The following ZNF467 variants were observed in gnomAD, a reference collection of about 807,000 sequenced individuals.
The protein encoded by ZNF467 is zinc finger protein EZI.
ZNF467 carries 51 observed loss-of-function variants against 47.8 expected under a neutral mutation model. The observed-to-expected ratio is 1.07, with a 90% CI of 0.85 to 1.35. The LOEUF is 1.35. Among genes scored for constraint, ZNF467 ranks in the 40% most tolerant of loss-of-function variants. The pLI, the probability that ZNF467 is intolerant of heterozygous loss-of-function variation, is 0.00. For synonymous variants in ZNF467, 416 were observed against 372.9 expected (o/e 1.12, Z -1.33); for missense variants, 992 against 858.1 (o/e 1.16, Z -1.95).
chr7:149,769,958 T>A lies in ZNF467; in HGVS notation c.151+482A>T. The stretch of plus-strand genomic sequence containing the variant: ...TCCCAAAGGGCTGAGAATACAGGCA[T>A]AAGCCACCATGCCCGGCTTCCCCAA... On this transcript the variant is annotated intron_variant, in intron 3 of 4. Transcript: ENST00000302017. The surrounding 1 kb of genome is among the most constrained non-coding windows in gnomAD (Gnocchi z 5.3). Among the ~76,000 whole-genome samples, 1 of 152,250 alleles carries A rather than the reference T, an allele frequency of 6.6e-6. No homozygotes were observed. The highest frequency in any genetic ancestry group is 2.1e-4 in the South Asian group (1 of 4,828).
upstream of ZNF467, among the ~76,000 whole-genome samples, chr7:149,775,129 G>A (rs1799539710): frequency 6.6e-6 from 1 of 152,140 alleles, no homozygotes; most frequent in African/African-American, 2.4e-5. Flanking sequence ...CCCAGGGCTG[G>A]GGGAGCTGGC....
chr7:149,771,787 C>T (rs1033241367), intron 1 of ZNF467, among the ~76,000 whole-genome samples: 1 of 148,598 alleles, frequency 6.7e-6, no homozygotes, highest in African/African-American at 2.5e-5. Context: ...CTCCCTCTGC[C>T]TTCCGCCCTC....
At chr7:149,774,196 C>T (rs1659435), upstream of ZNF467, among the ~76,000 whole-genome samples, 1,454 of 152,082 alleles carry the variant, frequency 9.6e-3, 24 homozygotes, top group African/African-American at 0.033. This position sits in a 1 kb window ranked among gnomAD's most constrained non-coding sequence, Gnocchi z 5.7. Flanking sequence ...TGGAGGGCAG[C>T]CCTCAGCCCT....
chr7:149,764,312 C>CCGGATCAT lies in ZNF467; in HGVS notation c.*401_*402insATGATCCG. On this transcript the variant is annotated 3_prime_UTR_variant, in exon 5 of 5. Coordinates refer to ENST00000302017, the MANE Select transcript of ZNF467 (RefSeq NM_207336.3). Reference sequence around the variant, plus strand: ...TGTGTGGATGGAGGTGGGACAGTGGCTAAGGAGAGTCAGGTGTTCCCTCCC... The same window carrying CCGGATCAT: ...TGTGTGGATGGAGGTGGGACAGTGGCCGGATCATTAAGGAGAGTCAGGTGTTCCCTCCC... The CCGGATCAT allele has an allele frequency of 2.2e-6, 1 of 447,164 alleles. No individual in the cohort carries two copies. 27.7% of individuals were successfully genotyped at this position (447,164 alleles called of 1,614,324 possible).
chr7:149,775,195 T>C (rs1015670788), upstream of ZNF467, among the ~76,000 whole-genome samples: 19 of 152,168 alleles, frequency 1.2e-4, no homozygotes, highest in African/African-American at 4.6e-4. Context: ...GGCTCCCCAG[T>C]TCTAGACCCC....
chr7:149,770,068 AC>A (rs1420203060), intron 3 of ZNF467, among the ~76,000 whole-genome samples: 3 of 84,580 alleles, frequency 3.5e-5, no homozygotes, highest in African/African-American at 1.3e-4. Flanking sequence ...TGCCCCACCC[AC>A]CCCCACCTGC....
At position 149,771,082 on chromosome 7, in the gene ZNF467, G is replaced by C; in HGVS notation, c.-42-8C>G. On this transcript the variant is annotated splice_region_variant and splice_polypyrimidine_tract_variant and intron_variant, in intron 1 of 4. Coordinates refer to ENST00000302017, the MANE Select transcript of ZNF467 (RefSeq NM_207336.3). Reference sequence around the variant, plus strand: ...GGGATCAGGCCACAGAACCTATGGAGAAAAGACAGCCTTGTTCAGATTTTT... The same window carrying C: ...GGGATCAGGCCACAGAACCTATGGACAAAAGACAGCCTTGTTCAGATTTTT... 1 of 1,612,936 alleles carries C rather than the reference G, an allele frequency of 6.2e-7. No individual in the cohort carries two copies. The highest frequency in any genetic ancestry group is 1.7e-4 in the Middle Eastern group (1 of 6,050).
rs747018467 is a variant in ZNF467 at position 149,765,265 on chromosome 7, C to G, written c.1237G>C (p.Gly413Arg). Residue 413 changes from glycine to arginine, a missense_variant, in exon 5 of 5, where the codon GGC becomes CGC. Transcript: ENST00000302017. Reference protein sequence around the residue: ...LASAPGGPGCGPGSDPVVPQR... With the variant: ...LASAPGGPGCRPGSDPVVPQR... ...GGCACCACGGGATCGGATCCTGGGC[C>G]GCAGCCCGGTCCGCCAGGCGCGCTG... 1.4e-5 allele frequency: 20 copies of G among 1,459,946 alleles called. No homozygotes were observed. The Admixed American group carries it at 1.6e-4, about 12-fold the overall frequency. 90.4% of individuals were successfully genotyped at this position (1,459,946 alleles called of 1,614,324 possible).
chr7:149,764,308 G>A lies in ZNF467; in HGVS notation c.*406C>T. 1 of 443,582 alleles carries A rather than the reference G, an allele frequency of 2.3e-6. No homozygotes were observed. The highest frequency in any genetic ancestry group is 3.5e-5 in the East Asian group (1 of 28,478). The allele number at this position is 443,582 out of a possible 1,614,324, so 27.5% of individuals were successfully genotyped here. A position where few individuals can be genotyped will look rare whatever the true frequency, so the allele number is the denominator to read the frequency against. The stretch of plus-strand genomic sequence containing the variant: ...TCTGTGTGTGGATGGAGGTGGGACA[G>A]TGGCTAAGGAGAGTCAGGTGTTCCC... On this transcript the variant is annotated 3_prime_UTR_variant, in exon 5 of 5. Coordinates refer to ENST00000302017, the MANE Select transcript of ZNF467 (RefSeq NM_207336.3).
chr7:149,768,761 A>G (rs755722237), intron 4 of ZNF467, among the ~76,000 whole-genome samples: 2 of 152,236 alleles, frequency 1.3e-5, no homozygotes, highest in Non-Finnish European at 2.9e-5. Context: ...GATCAAAGCC[A>G]TGTATCTTCA....
chr7:149,776,186 C>T (rs990813942), upstream of ZNF467: 2 of 1,107,332 alleles, frequency 1.8e-6, no homozygotes, highest in Non-Finnish European at 2.4e-6. Context: ...CCCCCCACCC[C>T]CGGGATCCTC....
At position 149,765,293 on chromosome 7, in the gene ZNF467, C is replaced by G; in HGVS notation, c.1209G>C (p.Leu403=). The change falls in exon 5 of 5, where the codon CTG becomes CTC. Residue 403 remains leucine (L), a synonymous_variant. Transcript: ENST00000302017. Reference sequence around the variant, plus strand: ...AGCCCGGTCCGCCAGGCGCGCTGGCCAGGGGCTTGGCGGCGGGGGCATCCA... The same window carrying G: ...AGCCCGGTCCGCCAGGCGCGCTGGCGAGGGGCTTGGCGGCGGGGGCATCCA... ...ATVDAPAAKP[L]ASAPGGPGCG... The G allele has an allele frequency of 2.0e-6, 3 of 1,472,796 alleles. No individual in the cohort carries two copies. Among genetic ancestry groups the G allele is most frequent in the Non-Finnish European group, 2.7e-6 (3 of 1,110,820 alleles). The allele number at this position is 1,472,796 out of a possible 1,614,324, so 91.2% of individuals were successfully genotyped here.
chr7:149,766,453 G>C (rs995680429), intron 4 of ZNF467, among the ~76,000 whole-genome samples: 1 of 152,164 alleles, frequency 6.6e-6, no homozygotes, highest in Non-Finnish European at 1.5e-5. Flanking sequence ...GGCTCCCGGG[G>C]GCTTCTTCCC....
Position 149,764,864 on chromosome 7 carries a change from C to T in ZNF467, c.1638G>A (p.Pro546=). The change falls in exon 5 of 5, where the codon CCG becomes CCA. Residue 546 remains proline (P), a synonymous_variant. Coordinates refer to ENST00000302017, the MANE Select transcript of ZNF467 (RefSeq NM_207336.3). ...TGCGGCTGAAGCTCTTTCCGCACTG[C>T]GGGCAGGAGAAGGGGCGGGAGCCTG... The part of the protein sequence containing the change: ...IHTGSRPFSC[P]QCGKSFSRKT... 1 of 1,554,076 alleles carries T rather than the reference C, an allele frequency of 6.4e-7. No homozygotes were observed. The highest frequency in any genetic ancestry group is 8.7e-7 in the Non-Finnish European group (1 of 1,151,410).
rs1363898056 is a variant in ZNF467, at chr7:149,769,689, CTTTTA to C, written c.152-494_152-490del. 6.6e-6 allele frequency among the ~76,000 whole-genome samples: 1 copy of C among 152,182 alleles called. No individual in the cohort carries two copies. Among genetic ancestry groups the C allele is most frequent in the East Asian group, 1.9e-4 (1 of 5,194 alleles). On this transcript the variant is annotated intron_variant, in intron 3 of 4. Transcript: ENST00000302017. The surrounding 1 kb of genome is among the most constrained non-coding windows in gnomAD (Gnocchi z 5.3). ...ATCTGCTGAGCTGCCGCCTTCACCT[CTTTTA>C]TTTTTCTTTTTTTAGAGAAAGGTCC...
rs1799317080 is a variant in ZNF467, at chr7:149,769,282, C to G, written c.152-82G>C. 1 of 1,265,724 alleles carries G rather than the reference C, an allele frequency of 7.9e-7. No homozygotes were observed. Among genetic ancestry groups the G allele is most frequent in the Non-Finnish European group, 1.1e-6 (1 of 929,722 alleles). The allele number at this position is 1,265,724 out of a possible 1,614,324, so 78.4% of individuals were successfully genotyped here. ...CCCCACTGGTGCTGGGAAGCAGGAG[C>G]ATTTGAAACCCTGGCTCCAGCAGGG... On this transcript the variant is annotated intron_variant, in intron 3 of 4. Transcript: ENST00000302017. The surrounding 1 kb of genome is among the most constrained non-coding windows in gnomAD (Gnocchi z 5.3).
At position 149,765,099 on chromosome 7, in the gene ZNF467, A is replaced by G; in HGVS notation, c.1403T>C (p.Phe468Ser). The G allele has an allele frequency of 6.8e-7, 1 of 1,467,766 alleles. No homozygotes were observed. The highest frequency in any genetic ancestry group is 1.5e-5 in the African/African-American group (1 of 68,508). 90.9% of individuals were successfully genotyped at this position (1,467,766 alleles called of 1,614,324 possible). The part of the protein sequence containing the change: ...PFACTQCDRR[F>S]GSRPNLVAHS... Reference sequence around the variant, plus strand: ...GGCGACCAGATTAGGCCGCGAGCCGAAGCGGCGGTCACACTGCGTGCAGGC... The same window carrying G: ...GGCGACCAGATTAGGCCGCGAGCCGGAGCGGCGGTCACACTGCGTGCAGGC... The change falls in exon 5 of 5, where the codon TTC (phenylalanine) becomes TCC (serine). Residue 468 changes from phenylalanine (F) to serine (S), a missense_variant. Transcript: ENST00000302017.
At chr7:149,776,023 C>T (rs2117490670), upstream of ZNF467, 1 of 1,364,620 alleles carries the variant, frequency 7.3e-7, no homozygotes, top group Non-Finnish European at 9.8e-7. Flanking sequence ...CCCAAAGGTG[C>T]CCTGGGGGTG....
chr7:149,774,233 G>A (rs1410007441), upstream of ZNF467, among the ~76,000 whole-genome samples: 1 of 152,134 alleles, frequency 6.6e-6, no homozygotes, highest in Non-Finnish European at 1.5e-5. This position sits in a 1 kb window ranked among gnomAD's most constrained non-coding sequence, Gnocchi z 5.7. Context: ...CTCCTCAGGG[G>A]ACTCCACTCG....
Sources: gnomAD v4.1 joint callset for allele counts (sites outside exome capture counted in the v4.1 genomes callset) on GRCh38, gnomAD v4.1.1 for gene constraint, Gnocchi (gnomAD v3.1) non-coding constraint, MANE v1.5 for transcripts, NCBI Gene and HGNC (gene_info 2026-07-23, HGNC 2026-07-21) for gene names.